SGCZ: variants seen among roughly 807,000 people sequenced by gnomAD.
SGCZ encodes zeta-sarcoglycan.
In SGCZ, 40 loss-of-function variants were observed where a neutral mutation model predicts 41.3. That is an observed-to-expected ratio of 0.97 (90% CI 0.75 to 1.26). SGCZ has a LOEUF of 1.26. SGCZ is among the 50% of genes most tolerant of loss of function. The pLI, the probability that SGCZ is intolerant of heterozygous loss-of-function variation, is 0.00. For missense variants in SGCZ, 552 were observed against 369.8 expected (o/e 1.49, Z -4.04); for synonymous variants, 206 against 137.5 (o/e 1.50, Z -3.49).
At chr8:14,524,532 G>C (rs775757509) in intron 2 of SGCZ, among the ~76,000 whole-genome samples, 1 of 151,886 alleles carries the variant, frequency 6.6e-6, no homozygotes, top group Admixed American at 6.6e-5. Flanking sequence ...CCTCTACAAA[G>C]GTACGAAGAG....
At chr8:14,815,942 G>A (rs1333336898) in intron 1 of SGCZ, among the ~76,000 whole-genome samples, 1 of 152,076 alleles carries the variant, frequency 6.6e-6, no homozygotes, top group African/African-American at 2.4e-5. Context: ...ACCCTCTTTA[G>A]AAGCATCATC....
intron 1 of SGCZ, among the ~76,000 whole-genome samples, chr8:15,197,122 T>A (rs1338964808): frequency 1.3e-5 from 2 of 152,236 alleles, no homozygotes. Flanking sequence ...GGAAATGGAC[T>A]TAACCCCTTT....
At chr8:14,558,074 G>A (rs965384546) in intron 1 of SGCZ, among the ~76,000 whole-genome samples, 2 of 152,058 alleles carry the variant, frequency 1.3e-5, no homozygotes, top group East Asian at 3.9e-4. Context: ...AGAGGACATG[G>A]CTCAATTCCC....
intron 3 of SGCZ, among the ~76,000 whole-genome samples, chr8:14,306,317 A>G (rs1354019858): frequency 6.6e-6 from 1 of 152,244 alleles, no homozygotes; most frequent in African/African-American, 2.4e-5. Flanking sequence ...TCCTGCTAGA[A>G]GCTATGTAGC....
intron 1 of SGCZ, among the ~76,000 whole-genome samples, chr8:14,990,256 C>A (rs1043943691): frequency 3.3e-5 from 5 of 151,998 alleles, no homozygotes; most frequent in Admixed American, 3.3e-4. Flanking sequence ...GAGTAAGAGG[C>A]AACATAAAAA....
At chr8:14,719,581 G>A (rs1809812561) in intron 1 of SGCZ, among the ~76,000 whole-genome samples, 1 of 152,102 alleles carries the variant, frequency 6.6e-6, no homozygotes, top group African/African-American at 2.4e-5. Flanking sequence ...TTGTGGTTTT[G>A]ATTTGCATTT....
chr8:14,115,582 G>A (rs1445042384), intron 5 of SGCZ, among the ~76,000 whole-genome samples: 1 of 151,852 alleles, frequency 6.6e-6, no homozygotes, highest in Non-Finnish European at 1.5e-5. Context: ...CTTAAGATTT[G>A]GACATTTTAC....
chr8:14,755,555 C>G (rs1446694451), intron 1 of SGCZ, among the ~76,000 whole-genome samples: 1 of 152,142 alleles, frequency 6.6e-6, no homozygotes, highest in Non-Finnish European at 1.5e-5. Context: ...CTTTTAAACC[C>G]TCAATTTCTG....
In SGCZ at chr8:15,079,348, G is replaced by A. The variant is rs552503223; in HGVS notation, c.39+158237C>T. Among the ~76,000 whole-genome samples the A allele has an allele frequency of 6.6e-5, 10 of 152,172 alleles. No homozygotes were observed. The East Asian group carries it at 1.9e-3, about 29-fold the overall frequency. On this transcript the variant is annotated intron_variant, in intron 1 of 7. Coordinates refer to ENST00000382080, the MANE Select transcript of SGCZ (RefSeq NM_139167.4). ...GTCTTTATATCTGACAGTCATTTTG[G>A]TTGCCTTGGCCTAAACTTCAGTCCT...
At chr8:14,120,587 T>C (rs1031956379) in intron 5 of SGCZ, among the ~76,000 whole-genome samples, 1 of 152,070 alleles carries the variant, frequency 6.6e-6, no homozygotes, top group African/African-American at 2.4e-5. Flanking sequence ...AATATGTATA[T>C]TGTTTTGAGG....
chr8:15,018,581 A>T (rs536081312), intron 1 of SGCZ, among the ~76,000 whole-genome samples: 79 of 152,230 alleles, frequency 5.2e-4, no homozygotes, highest in African/African-American at 1.9e-3. Context: ...ACTCAAGAAC[A>T]GTTTGATGGG....
chr8:14,376,475 T>A (rs1474903857), intron 2 of SGCZ, among the ~76,000 whole-genome samples: 1 of 152,152 alleles, frequency 6.6e-6, no homozygotes, highest in Non-Finnish European at 1.5e-5. Flanking sequence ...GGAAACACAG[T>A]TCATGAAATT....
intron 1 of SGCZ, among the ~76,000 whole-genome samples, chr8:14,634,890 G>C (rs1806777219): frequency 6.6e-6 from 1 of 151,732 alleles, no homozygotes; most frequent in African/African-American, 2.4e-5. Context: ...GACCATCCAA[G>C]TATCATAATT....
intron 1 of SGCZ, among the ~76,000 whole-genome samples, chr8:15,109,055 T>G (rs1806944500): frequency 6.6e-6 from 1 of 152,184 alleles, no homozygotes; most frequent in South Asian, 2.1e-4. Context: ...TGGTTAAAAT[T>G]ATTCATAATT....
intron 1 of SGCZ, among the ~76,000 whole-genome samples, chr8:14,910,916 G>C (rs976523996): frequency 3.9e-5 from 6 of 151,924 alleles, no homozygotes; most frequent in Non-Finnish European, 8.8e-5. Flanking sequence ...TGACCTTAAA[G>C]TAGATATACT....
chr8:14,688,964 C>A (rs577595307), intron 1 of SGCZ, among the ~76,000 whole-genome samples: 2 of 151,720 alleles, frequency 1.3e-5, no homozygotes, highest in African/African-American at 2.4e-5. Flanking sequence ...TCTTATACAC[C>A]AATAACAGAC....
At chr8:14,270,942 C>G in intron 3 of SGCZ, among the ~76,000 whole-genome samples, 1 of 151,962 alleles carries the variant, frequency 6.6e-6, no homozygotes, top group East Asian at 1.9e-4. Flanking sequence ...CAAACTATCC[C>G]AAGGACAAAA....
intron 7 of SGCZ, among the ~76,000 whole-genome samples, chr8:14,095,443 G>A (rs902124533): frequency 1.3e-5 from 2 of 151,832 alleles, no homozygotes; most frequent in Non-Finnish European, 2.9e-5. Context: ...TAGATGTATG[G>A]TGTTATTTCT....
At chr8:15,106,710 T>C (rs920356257) in intron 1 of SGCZ, among the ~76,000 whole-genome samples, 7 of 152,138 alleles carry the variant, frequency 4.6e-5, no homozygotes, top group African/African-American at 1.7e-4. Flanking sequence ...TATTAATTCT[T>C]AGTTTGTAAT....
Sources: allele counts gnomAD v4.1 joint callset (sites outside exome capture counted in the v4.1 genomes callset), GRCh38; gene constraint gnomAD v4.1.1; transcripts MANE v1.5; gene names NCBI Gene and HGNC (gene_info 2026-07-23, HGNC 2026-07-21).